The following JADE1 variants were observed in gnomAD, a reference collection of about 807,000 sequenced individuals.
The protein encoded by JADE1 is jade family PHD finger 1, also known as protein Jade-1.
In JADE1, 14 loss-of-function variants were observed where a neutral mutation model predicts 81.8. The ratio of observed to expected loss-of-function variants is 0.17; its 90% CI spans 0.11 to 0.27. JADE1 has a LOEUF of 0.27. JADE1 is among the 10% of genes least tolerant of loss of function. JADE1 has a pLI of 1.00. For missense variants in JADE1, 690 were observed against 1,047.9 expected (o/e 0.66, Z 4.71); for synonymous variants, 353 against 391.9 (o/e 0.90, Z 1.17).
chr4:128,843,074 A>G (rs1394866411), intron 3 of JADE1, 36 bp downstream of exon 3: 2 of 1,541,236 alleles, frequency 1.3e-6, no homozygotes, highest in East Asian at 4.5e-5. Context: ...GTGCATGAAT[A>G]TATGCTATCC....
intron 9 of JADE1, chr4:128,863,885 T>C: frequency 1.0e-6 from 1 of 985,428 alleles, no homozygotes; most frequent in Non-Finnish European, 1.2e-6. Flanking sequence ...TGGACTGTGT[T>C]TGTCTCACAA....
At chr4:128,824,180 A>G (rs1311555420) in intron 1 of JADE1, among the ~76,000 whole-genome samples, 1 of 152,178 alleles carries the variant, frequency 6.6e-6, no homozygotes, top group African/African-American at 2.4e-5. Flanking sequence ...GCACTTTGGG[A>G]GGCCGAGGCG....
At chr4:128,841,848 G>C (rs570510423) in intron 2 of JADE1, among the ~76,000 whole-genome samples, 1 of 152,322 alleles carries the variant, frequency 6.6e-6, no homozygotes, top group East Asian at 1.9e-4. Flanking sequence ...AGAGTGGAAA[G>C]AGAATTGCCA....
chr4:128,823,414 A>C (rs1195868211), intron 1 of JADE1, among the ~76,000 whole-genome samples: 4 of 152,216 alleles, frequency 2.6e-5, no homozygotes, highest in Non-Finnish European at 5.9e-5. Flanking sequence ...AAAGTGAACT[A>C]ATGTATTATA....
intron 2 of JADE1, among the ~76,000 whole-genome samples, chr4:128,835,246 A>G (rs549780923): frequency 6.6e-6 from 1 of 152,240 alleles, no homozygotes; most frequent in Non-Finnish European, 1.5e-5. Flanking sequence ...CTGGTTCAAT[A>G]TAAAGTATAT....
intron 1 of JADE1, 42 bp from the exon 2 acceptor site, chr4:128,831,691 G>A: frequency 6.5e-7 from 1 of 1,541,864 alleles, no homozygotes; most frequent in Non-Finnish European, 9.0e-7. Context: ...TGATGATTGT[G>A]TATTATCATC....
chr4:128,851,693 G>T (rs1388900145), intron 5 of JADE1, among the ~76,000 whole-genome samples: 1 of 152,116 alleles, frequency 6.6e-6, no homozygotes, highest in Non-Finnish European at 1.5e-5. Flanking sequence ...TTGAGACACG[G>T]TCTTATGTCA....
intron 2 of JADE1, among the ~76,000 whole-genome samples, chr4:128,832,711 C>G (rs897756112): frequency 2.0e-5 from 3 of 152,216 alleles, no homozygotes; most frequent in Non-Finnish European, 4.4e-5. Context: ...GCAGGGAAAC[C>G]TGCAGAGGAG....
chr4:128,862,719 G>A (rs1383365069), intron 9 of JADE1: 6 of 1,005,434 alleles, frequency 6.0e-6, no homozygotes, highest in Admixed American at 5.1e-5. Context: ...AGCTAAGCAC[G>A]GCTGCTCACT....
intron 1 of JADE1, among the ~76,000 whole-genome samples, chr4:128,823,837 G>A (rs4975267): frequency 0.79 from 119,553 of 152,094 alleles, 47,740 homozygotes; most frequent in South Asian, 0.91. Context: ...AATGTTGCCA[G>A]TTGGAAAACT....
chr4:128,824,378 A>G (rs1394216955), intron 1 of JADE1, among the ~76,000 whole-genome samples: 1 of 152,124 alleles, frequency 6.6e-6, no homozygotes, highest in African/African-American at 2.4e-5. Context: ...TGAGTGAGCC[A>G]TTGCACTCCA....
chr4:128,832,712 T>G (rs1401457675), intron 2 of JADE1, among the ~76,000 whole-genome samples: 7 of 152,272 alleles, frequency 4.6e-5, no homozygotes, highest in African/African-American at 1.7e-4. Flanking sequence ...CAGGGAAACC[T>G]GCAGAGGAGA....
chr4:128,872,181 A>G lies in JADE1; in HGVS notation c.2448A>G (p.Ala816=), dbSNP rs1732246706. Residue 816 remains alanine (A), a synonymous_variant, in exon 11 of 11, where the codon GCA becomes GCG. Transcript: ENST00000226319. ...AAATGAGTGACTCAGAGAGTGAGGC[A>G]TCAGAAAAGAAATGTATACACACCA... ...DVEMSDSESE[A]SEKKCIHTSS... 1.2e-6 allele frequency: 2 copies of G among 1,614,078 alleles called. No homozygotes were observed. The highest frequency in any genetic ancestry group is 1.7e-6 in the Non-Finnish European group (2 of 1,180,028).
intron 1 of JADE1, among the ~76,000 whole-genome samples, chr4:128,829,035 C>G (rs1728309274): frequency 6.6e-6 from 1 of 152,134 alleles, no homozygotes; most frequent in Admixed American, 6.6e-5. Context: ...TTTCCCTTTT[C>G]CCTTTTACCT....
chr4:128,825,285 C>T (rs1030289844), intron 1 of JADE1, among the ~76,000 whole-genome samples: 1 of 152,224 alleles, frequency 6.6e-6, no homozygotes, highest in Admixed American at 6.5e-5. Flanking sequence ...AGTGATATGC[C>T]TGCCTCGGCC....
intron 1 of JADE1, among the ~76,000 whole-genome samples, chr4:128,819,371 C>A (rs1579099256): frequency 6.6e-6 from 1 of 152,130 alleles, no homozygotes; most frequent in Non-Finnish European, 1.5e-5. Context: ...AGGCAGTTCT[C>A]CTGCCTTAGC....
chr4:128,862,930 A>G, intron 9 of JADE1: 1 of 986,220 alleles, frequency 1.0e-6, no homozygotes, highest in Non-Finnish European at 1.2e-6. Flanking sequence ...GCCCGTGTCC[A>G]TCCATGTCTC....
intron 6 of JADE1, among the ~76,000 whole-genome samples, chr4:128,852,505 C>T: frequency 6.6e-6 from 1 of 152,222 alleles, no homozygotes; most frequent in Non-Finnish European, 1.5e-5. Context: ...TCTTTCTTCA[C>T]AGTGTTTTAT....
At position 128,846,335 on chromosome 4, in the gene JADE1, CA is replaced by C. The variant is rs777108187; in HGVS notation, c.139-37del. The C allele has an allele frequency of 3.4e-5, 54 of 1,599,812 alleles. No individual in the cohort carries two copies. The highest frequency in any genetic ancestry group is 3.3e-4 in the Middle Eastern group (2 of 6,020). ...GCTGCCAGCACTCTGAATAAGAATG[CA>C]AATATCAAATGTCAGTGTCCCTTTC... is the stretch of plus-strand genomic sequence containing the variant. On this transcript the variant is annotated intron_variant, in intron 3 of 10. Coordinates refer to ENST00000226319, the MANE Select transcript of JADE1 (RefSeq NM_199320.4). This position sits in a 1 kb window ranked among gnomAD's most constrained non-coding sequence, Gnocchi z 4.0.
Sources: allele counts gnomAD v4.1 joint callset (sites outside exome capture counted in the v4.1 genomes callset), GRCh38; gene constraint gnomAD v4.1.1; non-coding constraint Gnocchi (gnomAD v3.1); transcripts MANE v1.5; gene names NCBI Gene and HGNC (gene_info 2026-07-23, HGNC 2026-07-21).